Variants in LRRC4C observed in about 807,000 individuals in gnomAD.
LRRC4C encodes leucine rich repeat containing 4C.
In LRRC4C, 5 loss-of-function variants were observed where a neutral mutation model predicts 33.6. The observed-to-expected ratio is 0.15, with a 90% CI of 0.08 to 0.31. The LOEUF is 0.31. LRRC4C is among the 10% of genes least tolerant of loss of function. The pLI is 1.00. For synonymous variants in LRRC4C, 329 were observed against 302.0 expected (o/e 1.09, Z -0.93); for missense variants, 560 against 796.7 (o/e 0.70, Z 3.58).
At chr11:41,079,671 AC>A (rs1435359564) in intron 1 of LRRC4C, among the ~76,000 whole-genome samples, 4 of 152,212 alleles carry the variant, frequency 2.6e-5, no homozygotes, top group African/African-American at 9.7e-5. Context: ...AAAGCTTAGA[AC>A]AAAGCTTGTC....
intron 2 of LRRC4C, among the ~76,000 whole-genome samples, chr11:40,715,059 C>T (rs901495277): frequency 6.6e-6 from 1 of 151,868 alleles, no homozygotes; most frequent in African/African-American, 2.4e-5. Flanking sequence ...AGAGCACAAA[C>T]GTAAAGGAGA....
At chr11:40,525,780 C>T (rs922710554) in intron 3 of LRRC4C, among the ~76,000 whole-genome samples, 1 of 151,586 alleles carries the variant, frequency 6.6e-6, no homozygotes, top group Non-Finnish European at 1.5e-5. Flanking sequence ...ATGCACATAC[C>T]AAGCCAACAA....
At chr11:40,558,849 C>T (rs537250811) in intron 3 of LRRC4C, among the ~76,000 whole-genome samples, 90 of 152,204 alleles carry the variant, frequency 5.9e-4, no homozygotes, top group African/African-American at 2.1e-3. Flanking sequence ...CTGCTCCTCT[C>T]CCTCCTCCCA....
chr11:40,696,747 T>TGTATGTATATATATATCTGA (rs1474849169), intron 2 of LRRC4C, among the ~76,000 whole-genome samples: 2,015 of 87,410 alleles, frequency 0.023, 31 homozygotes, highest in Non-Finnish European at 0.035. Flanking sequence ...ATATACACTG[T>TGTATGTATATATATATCTGA]GTATATATAT....
chr11:41,009,598 C>A (rs1230593794), intron 1 of LRRC4C, among the ~76,000 whole-genome samples: 1 of 152,078 alleles, frequency 6.6e-6, no homozygotes, highest in Non-Finnish European at 1.5e-5. Context: ...TGGGTGCCTG[C>A]AGAAGCCTCA....
At chr11:41,148,162 C>T (rs1046313318) in intron 1 of LRRC4C, among the ~76,000 whole-genome samples, 4 of 152,074 alleles carry the variant, frequency 2.6e-5, no homozygotes, top group African/African-American at 9.7e-5. Flanking sequence ...ACTACAGGTG[C>T]GTGCCACCAT....
At chr11:41,182,688 A>G (rs534542350) in intron 1 of LRRC4C, among the ~76,000 whole-genome samples, 2 of 152,186 alleles carry the variant, frequency 1.3e-5, no homozygotes, top group Non-Finnish European at 1.5e-5. Context: ...TAATACCTCA[A>G]AAAATTCCTT....
intron 3 of LRRC4C, among the ~76,000 whole-genome samples, chr11:40,503,626 G>A (rs1035230887): frequency 2.0e-5 from 3 of 152,086 alleles, no homozygotes; most frequent in African/African-American, 7.2e-5. Context: ...GCATGACACA[G>A]GACTCAAAGA....
intron 3 of LRRC4C, among the ~76,000 whole-genome samples, chr11:40,577,747 C>T (rs1958253029): frequency 6.6e-6 from 1 of 151,974 alleles, no homozygotes; most frequent in Non-Finnish European, 1.5e-5. Flanking sequence ...TCAAAATGCC[C>T]GTAACGCTGC....
At chr11:40,891,724 T>G (rs775823337) in intron 2 of LRRC4C, among the ~76,000 whole-genome samples, 13 of 152,062 alleles carry the variant, frequency 8.5e-5, no homozygotes, top group Non-Finnish European at 1.6e-4. Context: ...CAGTTAAAAT[T>G]GCTTATATCC....
chr11:40,223,284 A>G (rs1457232977), intron 5 of LRRC4C, among the ~76,000 whole-genome samples: 1 of 152,182 alleles, frequency 6.6e-6, no homozygotes, highest in Non-Finnish European at 1.5e-5. Flanking sequence ...GATTAAATAC[A>G]TAGAGAAGCC....
chr11:41,269,589 T>C (rs1038701961), intron 1 of LRRC4C, among the ~76,000 whole-genome samples: 10 of 152,054 alleles, frequency 6.6e-5, no homozygotes, highest in African/African-American at 2.4e-4. Context: ...AAAGAGTACA[T>C]GAAGAGGGAA....
chr11:40,140,302 A>G (rs1857273628), intron 6 of LRRC4C, among the ~76,000 whole-genome samples: 1 of 152,144 alleles, frequency 6.6e-6, no homozygotes, highest in African/African-American at 2.4e-5. Context: ...ACTCATGGAA[A>G]CAGTGCTACA....
chr11:41,141,143 A>G lies in LRRC4C; in HGVS notation c.-495-207420T>C, dbSNP rs968760588. On this transcript the variant is annotated intron_variant, in intron 1 of 6. Transcript: ENST00000528697. ...AAAAGTTTTCTGCAAAATGTAAAGC[A>G]TTATATAAATGTTGATTGAGATGGC... Among the ~76,000 whole-genome samples the G allele has an allele frequency of 2.6e-5, 4 of 152,168 alleles. No homozygotes were observed. In the South Asian group the frequency reaches 8.3e-4, roughly 31 times the overall value.
chr11:41,097,698 C>T (rs1024185667), intron 1 of LRRC4C, among the ~76,000 whole-genome samples: 1 of 152,160 alleles, frequency 6.6e-6, no homozygotes, highest in Admixed American at 6.6e-5. Context: ...ACTTCTCAAA[C>T]ATCAGAGATT....
chr11:40,311,563 T>G (rs552634202), intron 4 of LRRC4C, among the ~76,000 whole-genome samples: 2 of 152,218 alleles, frequency 1.3e-5, no homozygotes, highest in African/African-American at 4.8e-5. Flanking sequence ...AGCTGAAATA[T>G]GCTGTACAAC....
intron 1 of LRRC4C, among the ~76,000 whole-genome samples, chr11:41,370,617 T>C (rs753447869): frequency 1.3e-5 from 2 of 152,160 alleles, no homozygotes; most frequent in Non-Finnish European, 1.5e-5. Context: ...CCCCAGCCAA[T>C]TGGAACTGTA....
intron 3 of LRRC4C, among the ~76,000 whole-genome samples, chr11:40,493,411 A>G (rs1243947769): frequency 6.6e-6 from 1 of 152,122 alleles, no homozygotes; most frequent in Non-Finnish European, 1.5e-5. Flanking sequence ...TGCAACCAAG[A>G]AAGTCCTAAC....
At chr11:40,267,598 G>A (rs549711633) in intron 4 of LRRC4C, among the ~76,000 whole-genome samples, 8 of 152,190 alleles carry the variant, frequency 5.3e-5, no homozygotes, top group East Asian at 3.9e-4. Context: ...TGATCTTCCC[G>A]CCTCGGCCTC....
Sources: allele counts gnomAD v4.1 joint callset (sites outside exome capture counted in the v4.1 genomes callset), GRCh38; gene constraint gnomAD v4.1.1; transcripts MANE v1.5; gene names NCBI Gene and HGNC (gene_info 2026-07-23, HGNC 2026-07-21).